The following KCNH1 variants were observed in gnomAD, a reference collection of about 807,000 sequenced individuals.
KCNH1 encodes the protein potassium voltage-gated channel subfamily H member 1, also known as voltage-gated delayed rectifier potassium channel KCNH1.
KCNH1 carries 27 observed loss-of-function variants against 69.2 expected under a neutral mutation model. The observed-to-expected ratio is 0.39, with a 90% CI of 0.29 to 0.54. The LOEUF (loss-of-function observed/expected upper bound fraction) is 0.54, where lower values mean the gene tolerates loss of function less well. KCNH1 is among the 20% of genes least tolerant of loss of function. The pLI, the probability that KCNH1 is intolerant of heterozygous loss-of-function variation, is 0.68. For missense variants in KCNH1, 798 were observed against 1,261.6 expected (o/e 0.63, Z 5.57); for synonymous variants, 456 against 487.7 (o/e 0.93, Z 0.86).
chr1:210,824,179 T>C (rs555098617), intron 7 of KCNH1, among the ~76,000 whole-genome samples: 1 of 152,084 alleles, frequency 6.6e-6, no homozygotes, highest in South Asian at 2.1e-4. Flanking sequence ...AAATCTGGGT[T>C]CCAAATTTAT....
intron 5 of KCNH1, among the ~76,000 whole-genome samples, chr1:211,053,733 C>T (rs536114738): frequency 6.6e-6 from 1 of 152,220 alleles, no homozygotes; most frequent in Non-Finnish European, 1.5e-5. Flanking sequence ...CATTGATAAA[C>T]TCAACTTAAC....
Position 210,683,411 on chromosome 1 carries a change from A to C in KCNH1, c.2840T>G (p.Ile947Ser). ...GAGTATCTCAGAGAGCTGTTTCTCA[A>C]TATTGGTCATTTTGGCGTTTAAGGC... ...IKALNAKMTNIEKQLSEILRI... is the reference protein window; with the variant it reads ...IKALNAKMTNSEKQLSEILRI... The change falls in exon 11 of 11, where the codon ATT becomes AGT. Residue 947 changes from isoleucine to serine, a missense_variant. Around this residue, in one of 4 missense-constraint regions of KCNH1, gnomAD observed 331 missense variants for 363.2 expected, o/e 0.91. Transcript: ENST00000271751. This position sits in a 1 kb window ranked among gnomAD's most constrained non-coding sequence, Gnocchi z 5.7. The C allele has an allele frequency of 6.2e-7, 1 of 1,614,088 alleles. No homozygotes were observed. Among genetic ancestry groups the C allele is most frequent in the South Asian group, 1.1e-5 (1 of 91,064 alleles).
At chr1:210,733,988 CAG>C (rs1553339176) in intron 10 of KCNH1, among the ~76,000 whole-genome samples, 19 of 148,526 alleles carry the variant, frequency 1.3e-4, no homozygotes, top group African/African-American at 4.7e-4. Flanking sequence ...CACACACACA[CAG>C]CCCTCAGAAG....
chr1:210,886,753 C>G (rs143843678), intron 7 of KCNH1, among the ~76,000 whole-genome samples: 124 of 151,744 alleles, frequency 8.2e-4, no homozygotes, highest in African/African-American at 2.8e-3. Context: ...TGAATATACA[C>G]AAGTATCAGT....
chr1:210,872,812 C>T (rs530657334), intron 7 of KCNH1, among the ~76,000 whole-genome samples: 2 of 152,266 alleles, frequency 1.3e-5, no homozygotes, highest in African/African-American at 4.8e-5. Context: ...CCAGGTCCCA[C>T]CACCAATAGT....
chr1:210,884,219 C>A (rs1686554955), intron 7 of KCNH1, among the ~76,000 whole-genome samples: 1 of 152,152 alleles, frequency 6.6e-6, no homozygotes, highest in African/African-American at 2.4e-5. Flanking sequence ...ACAAACTAAG[C>A]CCCACCACAG....
rs1362755860 is a variant in KCNH1 at position 210,988,558 on chromosome 1, G to T, written c.1032+30225C>A. 3.9e-5 allele frequency among the ~76,000 whole-genome samples: 6 copies of T among 152,266 alleles called. No homozygotes were observed. In the East Asian group the frequency reaches 7.7e-4, roughly 20 times the overall value. On this transcript the variant is annotated intron_variant, in intron 6 of 10. Transcript: ENST00000271751. ...GTCTATTGCAATAAGCCATCACCAG[G>T]ATTAATCTATCTCCTGATAGCAGGA...
chr1:210,892,819 T>C (rs1686776502), intron 7 of KCNH1, among the ~76,000 whole-genome samples: 1 of 152,214 alleles, frequency 6.6e-6, no homozygotes, highest in Non-Finnish European at 1.5e-5. Flanking sequence ...TAATTCAGAA[T>C]ACTGATCCAC....
chr1:210,845,427 C>G (rs1454948364), intron 7 of KCNH1, among the ~76,000 whole-genome samples: 1 of 148,354 alleles, frequency 6.7e-6, no homozygotes, highest in African/African-American at 2.5e-5. Context: ...GTTAAACATA[C>G]GCAAATCAAT....
chr1:210,930,504 C>T lies in KCNH1; in HGVS notation c.1033-10435G>A, dbSNP rs1218988362. On this transcript the variant is annotated intron_variant, in intron 6 of 10. Coordinates refer to ENST00000271751, the MANE Select transcript of KCNH1 (RefSeq NM_172362.3). ...ACATGTAGAAGAATAAAACAGAATC[C>T]TCATCTCTCACCTTATACAAAAATC... is the stretch of plus-strand genomic sequence containing the variant. 3.9e-5 allele frequency among the ~76,000 whole-genome samples: 6 copies of T among 152,214 alleles called. No homozygotes were observed. The East Asian group carries it at 7.7e-4, about 20-fold the overall frequency.
intron 10 of KCNH1, among the ~76,000 whole-genome samples, chr1:210,687,971 G>A (rs980346193): frequency 6.6e-6 from 1 of 152,144 alleles, no homozygotes; most frequent in Non-Finnish European, 1.5e-5. Flanking sequence ...GAGGTCTAGG[G>A]AACAAGTGTG....
At chr1:210,766,067 A>G (rs1044837931) in intron 10 of KCNH1, among the ~76,000 whole-genome samples, 2 of 151,320 alleles carry the variant, frequency 1.3e-5, no homozygotes, top group Non-Finnish European at 2.9e-5. Flanking sequence ...TGTCTCAAAA[A>G]AGAAGAAGAA....
intron 1 of KCNH1, among the ~76,000 whole-genome samples, chr1:211,115,730 T>TACAC (rs1553381313): frequency 0.015 from 1,333 of 87,000 alleles, 29 homozygotes; most frequent in Non-Finnish European, 0.02. Context: ...TATATATATA[T>TACAC]ACACACACAC....
At chr1:210,877,986 G>T (rs1256621351) in intron 7 of KCNH1, among the ~76,000 whole-genome samples, 9 of 152,072 alleles carry the variant, frequency 5.9e-5, no homozygotes, top group African/African-American at 9.7e-5. Flanking sequence ...TCTGGTATAT[G>T]AATTCAATAT....
intron 7 of KCNH1, among the ~76,000 whole-genome samples, chr1:210,842,558 T>A (rs1485803668): frequency 6.6e-6 from 1 of 152,208 alleles, no homozygotes; most frequent in Non-Finnish European, 1.5e-5. Flanking sequence ...CAGGGTTAGA[T>A]CCTTTAATCA....
intron 6 of KCNH1, among the ~76,000 whole-genome samples, chr1:210,995,167 A>G (rs1316767994): frequency 6.6e-6 from 1 of 152,220 alleles, no homozygotes; most frequent in Non-Finnish European, 1.5e-5. Flanking sequence ...CCACTGAGAT[A>G]TTAAGTAGAA....
chr1:211,119,518 A>C (rs1691649185), intron 1 of KCNH1, among the ~76,000 whole-genome samples: 1 of 152,152 alleles, frequency 6.6e-6, no homozygotes, highest in Non-Finnish European at 1.5e-5. Context: ...ATTTACCTGA[A>C]CCTAAATAAA....
At position 210,684,052 on chromosome 1, in the gene KCNH1, C is replaced by T. The variant is rs756120939; in HGVS notation, c.2199G>A (p.Pro733=). ...GGAAGAGGCGCCGGACAGGGTGGTC[C>T]GGGGGCAAGATCAGGGGGGCCTCAT... ...RKNEAPLILP[P]DHPVRRLFQR... is the part of the protein sequence containing the mutation. Residue 733 remains proline, a synonymous_variant, in exon 11 of 11, where the codon CCG becomes CCA. Transcript: ENST00000271751. 1.6e-5 allele frequency: 25 copies of T among 1,546,030 alleles called. No individual in the cohort carries two copies. The highest frequency in any genetic ancestry group is 1.4e-4 in the Admixed American group (7 of 50,506).
intron 9 of KCNH1, among the ~76,000 whole-genome samples, chr1:210,781,101 A>T (rs1203164360): frequency 2.0e-5 from 3 of 152,178 alleles, no homozygotes; most frequent in Non-Finnish European, 4.4e-5. Flanking sequence ...ACCACCCCTT[A>T]TTTTGAATTA....
Sources: gnomAD v4.1 joint callset for allele counts (sites outside exome capture counted in the v4.1 genomes callset) on GRCh38, gnomAD v4.1.1 for gene constraint, gnomAD v4.1.1 regional missense constraint, Gnocchi (gnomAD v3.1) non-coding constraint, MANE v1.5 for transcripts, NCBI Gene and HGNC (gene_info 2026-07-23, HGNC 2026-07-21) for gene names.